NSD2: variants seen among roughly 807,000 people sequenced by gnomAD.
NSD2 encodes nuclear receptor binding SET domain protein 2.
In NSD2, 12 loss-of-function variants were observed where a neutral mutation model predicts 139.0. That is an observed-to-expected ratio of 0.09 (90% CI 0.06 to 0.14). NSD2 has a LOEUF of 0.14. Ranked by LOEUF, NSD2 falls within the 10% of genes least tolerant of loss-of-function variation. The pLI is 1.00. For synonymous variants in NSD2, 669 were observed against 648.7 expected (o/e 1.03, Z -0.48); for missense variants, 1,155 against 1,745.0 (o/e 0.66, Z 6.02).
rs950240383 is a variant in NSD2, at chr4:1,935,254, C to G, written c.1666C>G (p.Leu556Val). The change falls in exon 7 of 22, where the codon CTT becomes GTT. Residue 556 changes from leucine to valine, a missense_variant. Coordinates refer to ENST00000508803, the MANE Select transcript of NSD2 (RefSeq NM_001042424.3). ...AAGACTCAGGACGGACAAGCACAGT[C>G]TTCGGAAGGTAATTGTGTTCCAGGT... The part of the protein sequence containing the change: ...RKRLRTDKHS[L>V]RKRDTITDKT... 3 of 1,611,894 alleles carry G rather than the reference C, an allele frequency of 1.9e-6. No individual in the cohort carries two copies. Among genetic ancestry groups the G allele is most frequent in the African/African-American group, 2.7e-5 (2 of 74,834 alleles).
chr4:1,968,543 G>GTT (rs1259333616), intron 18 of NSD2, among the ~76,000 whole-genome samples: 1 of 152,150 alleles, frequency 6.6e-6, no homozygotes, highest in Non-Finnish European at 1.5e-5. Context: ...CCATTAAAGG[G>GTT]TAAAAAGGAG....
intron 10 of NSD2, 107 bp downstream of exon 10, chr4:1,951,310 C>A: frequency 2.0e-6 from 3 of 1,465,716 alleles, no homozygotes; most frequent in Non-Finnish European, 2.8e-6. Context: ...ACCCCTTCCC[C>A]AATCTCACCG....
intron 10 of NSD2, 127 bp from the exon 11 acceptor site, chr4:1,951,981 T>C: frequency 7.0e-7 from 1 of 1,434,732 alleles, no homozygotes; most frequent in Non-Finnish European, 9.3e-7. Context: ...ATGCATGTTA[T>C]TATATATCCT....
At chr4:1,882,123 A>T (rs1010248424) in intron 1 of NSD2, among the ~76,000 whole-genome samples, 27 of 152,148 alleles carry the variant, frequency 1.8e-4, no homozygotes, top group African/African-American at 6.0e-4. Context: ...GTTCCGGAAG[A>T]GTGTGTACAG....
intron 1 of NSD2, among the ~76,000 whole-genome samples, chr4:1,871,947 G>A (rs1213783422): frequency 6.7e-6 from 1 of 148,620 alleles, no homozygotes; most frequent in Admixed American, 6.7e-5. Context: ...CGGCCGAGGC[G>A]GCCGCCTTTG....
At chr4:1,941,467 CAG>C in intron 9 of NSD2, 1 of 1,047,312 alleles carries the variant, frequency 9.5e-7, no homozygotes, top group Non-Finnish European at 1.2e-6. Flanking sequence ...GCCCATGAGT[CAG>C]GGGAGCTCAG....
intron 18 of NSD2, among the ~76,000 whole-genome samples, chr4:1,971,475 C>T (rs916609562): frequency 6.6e-6 from 1 of 151,972 alleles, no homozygotes; most frequent in South Asian, 2.1e-4. Flanking sequence ...TCAGCACTGT[C>T]GAAAAGAAGG....
Position 1,942,874 on chromosome 4 carries a change from T to G in NSD2, c.1881+3096T>G. 1 of 1,061,764 alleles carries G rather than the reference T, an allele frequency of 9.4e-7. No individual in the cohort carries two copies. Among genetic ancestry groups the G allele is most frequent in the Non-Finnish European group, 1.1e-6 (1 of 877,120 alleles). 65.8% of individuals were successfully genotyped at this position (1,061,764 alleles called of 1,614,324 possible). On this transcript the variant is annotated intron_variant, in intron 9 of 21. Transcript: ENST00000508803. This position sits in a 1 kb window ranked among gnomAD's most constrained non-coding sequence, Gnocchi z 4.0. Reference sequence around the variant, plus strand: ...TGCCAGTGAGATATATTCAGTATTGTAGATACTACACTAATTTCCAACATA... The same window carrying G: ...TGCCAGTGAGATATATTCAGTATTGGAGATACTACACTAATTTCCAACATA...
intron 5 of NSD2, among the ~76,000 whole-genome samples, chr4:1,921,911 G>T (rs1720194407): frequency 6.6e-6 from 1 of 152,152 alleles, no homozygotes; most frequent in African/African-American, 2.4e-5. Flanking sequence ...CACTTTGGAG[G>T]CCGAGGTGGG....
chr4:1,883,369 G>C (rs1714845740), intron 1 of NSD2, among the ~76,000 whole-genome samples: 1 of 151,624 alleles, frequency 6.6e-6, no homozygotes, highest in Non-Finnish European at 1.5e-5. Context: ...CAGTGGCTCA[G>C]GCCTGTAATC....
chr4:1,873,895 G>T (rs1324444939), intron 1 of NSD2, among the ~76,000 whole-genome samples: 1 of 152,112 alleles, frequency 6.6e-6, no homozygotes, highest in Non-Finnish European at 1.5e-5. Context: ...TGTGGCCCAG[G>T]CTTGAGTGCA....
intron 1 of NSD2, among the ~76,000 whole-genome samples, chr4:1,889,741 A>G (rs1715387199): frequency 2.0e-5 from 3 of 151,972 alleles, no homozygotes; most frequent in Admixed American, 1.3e-4. Flanking sequence ...TCCTGACCTC[A>G]GGTGATACAC....
intron 9 of NSD2, among the ~76,000 whole-genome samples, chr4:1,950,412 C>T (rs1355391297): frequency 6.6e-6 from 1 of 152,158 alleles, no homozygotes; most frequent in Non-Finnish European, 1.5e-5. Flanking sequence ...TTGCCTTTGC[C>T]CACCTCACTT....
At chr4:1,965,993 A>T (rs1725847161) in intron 18 of NSD2, among the ~76,000 whole-genome samples, 1 of 152,198 alleles carries the variant, frequency 6.6e-6, no homozygotes, top group East Asian at 1.9e-4. Context: ...TCTCAATGAG[A>T]TTATCAGCAA....
intron 5 of NSD2, among the ~76,000 whole-genome samples, chr4:1,923,184 A>G (rs1386503561): frequency 6.6e-6 from 1 of 151,422 alleles, no homozygotes; most frequent in Non-Finnish European, 1.5e-5. Context: ...CTATAAAACT[A>G]TGTATGTTAA....
chr4:1,916,725 T>G, intron 3 of NSD2, 146 bp from the exon 4 acceptor site: 2 of 653,528 alleles, frequency 3.1e-6, no homozygotes, highest in Non-Finnish European at 5.0e-6. Flanking sequence ...GCATGTGGCA[T>G]GGAAGGGATA....
intron 18 of NSD2, among the ~76,000 whole-genome samples, chr4:1,967,760 C>CGAGACCAGCCTCAAATCCAT (rs1272715638): frequency 1.3e-5 from 2 of 152,116 alleles, no homozygotes; most frequent in Non-Finnish European, 2.9e-5. Context: ...TGACATCAGA[C>CGAGACCAGCCTCAAATCCAT]GAGACCAGCC....
At chr4:1,883,727 G>A (rs1714875994) in intron 1 of NSD2, among the ~76,000 whole-genome samples, 1 of 152,052 alleles carries the variant, frequency 6.6e-6, no homozygotes, top group Non-Finnish European at 1.5e-5. Flanking sequence ...GAAGCCCCAT[G>A]AAAGCAGGGC....
chr4:1,965,819 AC>A (rs1281529833), intron 18 of NSD2, among the ~76,000 whole-genome samples: 1 of 152,152 alleles, frequency 6.6e-6, no homozygotes, highest in Non-Finnish European at 1.5e-5. Context: ...CATTTATAAA[AC>A]CATCAGATCT....
Sources: gnomAD v4.1 joint callset for allele counts (sites outside exome capture counted in the v4.1 genomes callset) on GRCh38, gnomAD v4.1.1 for gene constraint, Gnocchi (gnomAD v3.1) non-coding constraint, MANE v1.5 for transcripts, NCBI Gene and HGNC (gene_info 2026-07-23, HGNC 2026-07-21) for gene names.